Variants in RIC8B observed in about 807,000 individuals in gnomAD.
RIC8B encodes RIC8 guanine nucleotide exchange factor B.
RIC8B carries 16 observed loss-of-function variants against 57.5 expected under a neutral mutation model. That is an observed-to-expected ratio of 0.28 (90% CI 0.19 to 0.42). RIC8B has a LOEUF of 0.42. Ranked by LOEUF, RIC8B falls within the 10% of genes least tolerant of loss-of-function variation. The probability of loss-of-function intolerance (pLI) is 1.00; values close to 1 mark genes in which losing one functional copy is unlikely to be tolerated. For missense variants in RIC8B, 481 were observed against 677.0 expected, an observed-to-expected ratio of 0.71 and a Z score of 3.21; for synonymous variants, 216 against 250.8, an observed-to-expected ratio of 0.86 and a Z score of 1.31.
In RIC8B at chr12:106,843,847, T is replaced by TC; in HGVS notation, c.1066-5_1066-4insC. 6.3e-7 allele frequency: 1 copy of TC among 1,590,770 alleles called. No individual in the cohort carries two copies. The highest frequency in any genetic ancestry group is 8.6e-7 in the Non-Finnish European group (1 of 1,166,926). On this transcript the variant is annotated splice_region_variant and splice_polypyrimidine_tract_variant and intron_variant, in intron 5 of 9. Coordinates refer to ENST00000392837, the MANE Select transcript of RIC8B (RefSeq NM_001330145.2). ...TTCAAAAACATATGGTTTTTTTTTT[T>TC]ATAGGGAAGCAGCTATAGAGAGGGT...
At chr12:106,823,900 A>G (rs994372703) in intron 3 of RIC8B, among the ~76,000 whole-genome samples, 2 of 152,042 alleles carry the variant, frequency 1.3e-5, no homozygotes, top group African/African-American at 2.4e-5. Flanking sequence ...TGGCCAGGCT[A>G]TCCTCTAACT....
chr12:106,852,132 C>T (rs1949502990), intron 7 of RIC8B, among the ~76,000 whole-genome samples: 1 of 152,132 alleles, frequency 6.6e-6, no homozygotes, highest in Admixed American at 6.5e-5. Context: ...AATAACTGTA[C>T]TACAGTGTAA....
chr12:106,775,850 G>C (rs1209576608), intron 1 of RIC8B, among the ~76,000 whole-genome samples: 1 of 152,218 alleles, frequency 6.6e-6, no homozygotes, highest in Non-Finnish European at 1.5e-5. Context: ...TCACAACCTA[G>C]CTGTTAATGT....
At chr12:106,838,636 T>A (rs1404016508) in intron 4 of RIC8B, among the ~76,000 whole-genome samples, 3 of 149,906 alleles carry the variant, frequency 2.0e-5, no homozygotes, top group Admixed American at 6.6e-5. Context: ...ATTTCTTGGG[T>A]ATGACACCAA....
intron 1 of RIC8B, among the ~76,000 whole-genome samples, chr12:106,779,680 A>AT (rs1278046443): frequency 7.7e-6 from 1 of 129,154 alleles, no homozygotes; most frequent in Non-Finnish European, 1.7e-5. Flanking sequence ...CACAAAAAAA[A>AT]ATTTTTTTTT....
At chr12:106,812,419 G>C (rs2045373876) in intron 2 of RIC8B, among the ~76,000 whole-genome samples, 1 of 151,102 alleles carries the variant, frequency 6.6e-6, no homozygotes, top group Non-Finnish European at 1.5e-5. Flanking sequence ...TTATTAGGAA[G>C]AAAGGTACCA....
chr12:106,856,936 G>A (rs1000627696), intron 7 of RIC8B, among the ~76,000 whole-genome samples: 2 of 152,126 alleles, frequency 1.3e-5, no homozygotes, highest in African/African-American at 4.8e-5. Flanking sequence ...ATGCTTGGGC[G>A]GTGTGGAGGA....
At chr12:106,881,374 C>G (rs1008416182) in intron 9 of RIC8B, among the ~76,000 whole-genome samples, 6 of 151,178 alleles carry the variant, frequency 4.0e-5, no homozygotes, top group African/African-American at 1.5e-4. Context: ...GCCGAGCCAG[C>G]CTGCTTGCCA....
At chr12:106,775,076 C>T (rs1189459553) in intron 1 of RIC8B, among the ~76,000 whole-genome samples, 1 of 152,210 alleles carries the variant, frequency 6.6e-6, no homozygotes, top group Non-Finnish European at 1.5e-5. Context: ...TCCGGTCCTC[C>T]TCTCAAGCGT....
At position 106,795,166 on chromosome 12, in the gene RIC8B, A is replaced by G. The variant is rs191459370; in HGVS notation, c.132+11122A>G. ...TCTCCCAGCTTCTTTAAAAGACAAA[A>G]TTATAAAGTAATAATTATAATAATG... On this transcript the variant is annotated intron_variant, in intron 2 of 9. Coordinates refer to ENST00000392837, the MANE Select transcript of RIC8B (RefSeq NM_001330145.2). Among the ~76,000 whole-genome samples the G allele has an allele frequency of 1.4e-3, 212 of 152,312 alleles. 1 individual carries two copies. The highest frequency in any genetic ancestry group is 4.7e-3 in the African/African-American group (197 of 41,578).
chr12:106,823,684 A>T (rs961029988), intron 3 of RIC8B, among the ~76,000 whole-genome samples: 9 of 143,006 alleles, frequency 6.3e-5, no homozygotes, highest in Admixed American at 2.1e-4. Context: ...ATATGAGATA[A>T]TTTTTTTTTT....
rs139529791 is a variant in RIC8B, at chr12:106,844,924, A to G, written c.1161+977A>G. ...TTTGATTGTAACAATACCTGAAACT[A>G]GCCTCCTCTAAAATCCCAATTTCAA... On this transcript the variant is annotated intron_variant, in intron 6 of 9. Coordinates refer to ENST00000392837, the MANE Select transcript of RIC8B (RefSeq NM_001330145.2). 2.0e-5 allele frequency among the ~76,000 whole-genome samples: 3 copies of G among 152,326 alleles called. No homozygotes were observed. The East Asian group carries it at 5.8e-4, about 29-fold the overall frequency.
intron 6 of RIC8B, among the ~76,000 whole-genome samples, chr12:106,848,114 C>T (rs1289898270): frequency 6.6e-6 from 1 of 152,104 alleles, no homozygotes; most frequent in African/African-American, 2.4e-5. Flanking sequence ...GGGAATGTCT[C>T]CTGTAAGTGA....
intron 2 of RIC8B, among the ~76,000 whole-genome samples, chr12:106,810,992 C>CT (rs2045313483): frequency 1.3e-5 from 2 of 152,222 alleles, no homozygotes; most frequent in African/African-American, 4.8e-5. Context: ...AACTTCTACT[C>CT]TTAATTACCA....
chr12:106,837,639 G>GTTTTTTTT (rs375634080), intron 4 of RIC8B, among the ~76,000 whole-genome samples: 1 of 115,326 alleles, frequency 8.7e-6, no homozygotes, highest in African/African-American at 3.4e-5. Context: ...AAAATCTTTT[G>GTTTTTTTT]TTTTTTTTTT....
chr12:106,820,889 C>G (rs2045809727), intron 3 of RIC8B, among the ~76,000 whole-genome samples: 1 of 152,094 alleles, frequency 6.6e-6, no homozygotes, highest in Non-Finnish European at 1.5e-5. Context: ...TTAATGTTAC[C>G]TCATTTCGAT....
chr12:106,868,888 T>C (rs1950265234), intron 8 of RIC8B, among the ~76,000 whole-genome samples: 1 of 138,168 alleles, frequency 7.2e-6, no homozygotes, highest in Non-Finnish European at 1.5e-5. Context: ...GGAGTCTCGC[T>C]CTGTCACCCA....
At chr12:106,776,395 C>A (rs2043488544) in intron 1 of RIC8B, among the ~76,000 whole-genome samples, 1 of 152,204 alleles carries the variant, frequency 6.6e-6, no homozygotes. Context: ...AACTGATTTT[C>A]AGAAGCAAGA....
intron 2 of RIC8B, among the ~76,000 whole-genome samples, chr12:106,795,125 A>G (rs937651224): frequency 8.5e-5 from 13 of 152,218 alleles, no homozygotes; most frequent in Admixed American, 6.5e-5. Context: ...ATCAAAAGCT[A>G]TAAATGTATA....
Sources: gnomAD v4.1 joint callset for allele counts (sites outside exome capture counted in the v4.1 genomes callset) on GRCh38, gnomAD v4.1.1 for gene constraint, MANE v1.5 for transcripts, NCBI Gene and HGNC (gene_info 2026-07-23, HGNC 2026-07-21) for gene names.